Variants in PFKL observed in about 807,000 individuals in gnomAD.
PFKL encodes the protein ATP-dependent 6-phosphofructokinase, liver type.
PFKL carries 74 observed loss-of-function variants against 92.1 expected under a neutral mutation model. The observed-to-expected ratio is 0.80, with a 90% confidence interval of 0.67 to 0.97. The LOEUF (loss-of-function observed/expected upper bound fraction) is 0.97, where lower values mean the gene tolerates loss of function less well. Ranked by LOEUF, PFKL falls within the 50% of genes least tolerant of loss-of-function variation. The probability of loss-of-function intolerance (pLI) is 0.00; values close to 1 mark genes in which losing one functional copy is unlikely to be tolerated. For missense variants in PFKL, 1,028 were observed against 1,116.6 expected (o/e 0.92, Z 1.13); for synonymous variants, 494 against 456.4 (o/e 1.08, Z -1.05).
At chr21:44,322,081 G>T in intron 13 of PFKL, 52 bp from the exon 14 acceptor site, 1 of 1,561,666 alleles carries the variant, frequency 6.4e-7, no homozygotes. Flanking sequence ...CCCCTGGGGG[G>T]AATTGGCCAG....
intron 1 of PFKL, among the ~76,000 whole-genome samples, chr21:44,302,029 G>T (rs1333687757): frequency 6.6e-6 from 1 of 152,212 alleles, no homozygotes; most frequent in East Asian, 1.9e-4. Context: ...GAGATGGGAT[G>T]CCCCTCCTGG....
Position 44,324,875 on chromosome 21 carries a change from C to T in PFKL, c.1835C>T (p.Thr612Met), listed in dbSNP as rs749387944. The change falls in exon 18 of 22, where the codon ACG becomes ATG. Residue 612 changes from threonine to methionine, a missense_variant. Thr to Met is a moderately conservative substitution (Grantham distance 81, BLOSUM62 -1). Coordinates refer to ENST00000349048, the MANE Select transcript of PFKL (RefSeq NM_002626.6). ...HDLKVNVEHM[T>M]EKMKTDIQRG... Reference sequence around the variant, plus strand: ...CCGCAGGTCAACGTGGAGCACATGACGGAGAAGATGAAGACAGACATTCAG... The same window carrying T: ...CCGCAGGTCAACGTGGAGCACATGATGGAGAAGATGAAGACAGACATTCAG... The T allele has an allele frequency of 1.9e-5, 30 of 1,608,650 alleles. No individual in the cohort carries two copies. Among genetic ancestry groups the T allele is most frequent in the Admixed American group, 5.1e-5 (3 of 59,294 alleles).
chr21:44,325,987 G>C lies in PFKL; in HGVS notation c.2016G>C (p.Arg672=), dbSNP rs868388647. The part of the protein sequence containing the change: ...QQGGAPTPFD[R]NYGTKLGVKA... ...GTGGCGCTCCAACCCCCTTTGACCG[G>C]AACTATGGGACCAAGCTGGGGGTGA... Residue 672 remains arginine, a synonymous_variant, in exon 20 of 22, where the codon CGG becomes CGC. Coordinates refer to ENST00000349048, the MANE Select transcript of PFKL (RefSeq NM_002626.6). 1.2e-6 allele frequency: 2 copies of C among 1,613,674 alleles called. No homozygotes were observed. Among genetic ancestry groups the C allele is most frequent in the Admixed American group, 1.7e-5 (1 of 59,988 alleles).
chr21:44,304,479 C>T (rs1033925715), intron 1 of PFKL: 11 of 1,180,924 alleles, frequency 9.3e-6, no homozygotes, highest in Non-Finnish European at 1.2e-5. Context: ...TGTGGTGGGA[C>T]CAGGTCTGCA....
At chr21:44,314,379 G>A in intron 7 of PFKL, 2 of 262,248 alleles carry the variant, frequency 7.6e-6, no homozygotes, top group South Asian at 1.2e-4. Flanking sequence ...GCCCCAGCAA[G>A]GTCCAGACGG....
rs2047357283 is a variant in PFKL, at chr21:44,321,661, ACCT to A, written c.1192-64_1192-62del. 5.6e-6 allele frequency: 8 copies of A among 1,433,638 alleles called. No homozygotes were observed. The Admixed American group carries it at 7.8e-5, about 14-fold the overall frequency. The allele number at this position is 1,433,638 out of a possible 1,614,324, so 88.8% of individuals were successfully genotyped here. ...TTTTCCAGAACCTGCCGGCCTGCTG[ACCT>A]CCTGTGCAGGTTGGGGGTCCCCTCC... On this transcript the variant is annotated intron_variant, in intron 12 of 21. Coordinates refer to ENST00000349048, the MANE Select transcript of PFKL (RefSeq NM_002626.6).
At chr21:44,315,881 G>A (rs1206010317) in intron 7 of PFKL, 9 of 312,232 alleles carry the variant, frequency 2.9e-5, no homozygotes, top group Admixed American at 9.2e-5. Flanking sequence ...CCTGTGCCCC[G>A]TGGAGCTGCA....
At chr21:44,321,503 A>G (rs889010907) in intron 12 of PFKL, 1 of 328,138 alleles carries the variant, frequency 3.0e-6, no homozygotes, top group Non-Finnish European at 5.5e-6. Flanking sequence ...CCTGCGTGCC[A>G]GGGGGCCAGG....
chr21:44,313,746 G>A, intron 6 of PFKL, 64 bp downstream of exon 6: 1 of 1,515,292 alleles, frequency 6.6e-7, no homozygotes, highest in Non-Finnish European at 9.0e-7. Flanking sequence ...AGTGACAGGT[G>A]TGGCATATTT....
chr21:44,311,115 C>T (rs1296024552), intron 3 of PFKL, 32 bp downstream of exon 3: 1 of 1,564,826 alleles, frequency 6.4e-7, no homozygotes, highest in South Asian at 1.1e-5. Flanking sequence ...GCATGTTGCA[C>T]TTGGACTCGC....
chr21:44,322,058 G>A (rs1026373863), intron 13 of PFKL, 75 bp from the exon 14 acceptor site: 5 of 1,514,194 alleles, frequency 3.3e-6, no homozygotes, highest in South Asian at 2.5e-5. Context: ...GCTGGCCCCC[G>A]GGCACAGGCC....
intron 17 of PFKL, 95 bp from the exon 18 acceptor site, chr21:44,324,761 C>T (rs1364074775): frequency 3.8e-6 from 6 of 1,569,308 alleles, no homozygotes; most frequent in African/African-American, 2.7e-5. Flanking sequence ...AGGTGGGACG[C>T]GTAGCCCAGT....
At chr21:44,319,596 AC>A (rs752811794) in intron 11 of PFKL, 181 bp downstream of exon 11, 3 of 618,378 alleles carry the variant, frequency 4.9e-6, no homozygotes, top group Non-Finnish European at 8.7e-6. Flanking sequence ...GTGTGGTACC[AC>A]AGGAGACCCT....
rs183264392 is a variant in PFKL, at chr21:44,313,013, C to T, written c.463C>T (p.His155Tyr). The T allele has an allele frequency of 1.3e-5, 21 of 1,613,118 alleles. 1 individual carries two copies. The East Asian group carries it at 4.2e-4, about 33-fold the overall frequency. ...AGAGACTACAGCCCGGACCTACTCG[C>T]ACCTGAACATCGCGGGCCTAGTGGG... ...ISETTARTYS[H>Y]LNIAGLVGSI... is the part of the protein sequence containing the mutation. Residue 155 changes from histidine to tyrosine, a missense_variant, in exon 5 of 22, where the codon CAC becomes TAC. Transcript: ENST00000349048.
At chr21:44,303,899 G>A (rs771522118) in intron 1 of PFKL, among the ~76,000 whole-genome samples, 1 of 152,024 alleles carries the variant, frequency 6.6e-6, no homozygotes, top group African/African-American at 2.4e-5. Context: ...CTGCGGTGTC[G>A]GCGACTGCTG....
At chr21:44,307,219 G>A in intron 2 of PFKL, 1 of 950,102 alleles carries the variant, frequency 1.1e-6, no homozygotes, top group Non-Finnish European at 1.3e-6. Flanking sequence ...GCAGCCGCTG[G>A]CAGCAGCTCT....
intron 2 of PFKL, chr21:44,307,378 T>C: frequency 1.1e-6 from 1 of 884,330 alleles, no homozygotes; most frequent in Non-Finnish European, 1.4e-6. Context: ...CACAGGCGCA[T>C]TCACACACTT....
At chr21:44,318,732 A>C (rs995233606) in intron 10 of PFKL, 137 bp downstream of exon 10, 19 of 401,042 alleles carry the variant, frequency 4.7e-5, no homozygotes, top group Non-Finnish European at 7.6e-5. Flanking sequence ...AGGGCATCCC[A>C]GGTCTCCAGG....
chr21:44,316,139 T>C (rs1205966492), intron 7 of PFKL, 105 bp from the exon 8 acceptor site: 1 of 991,364 alleles, frequency 1.0e-6, no homozygotes, highest in Non-Finnish European at 1.6e-6. Context: ...CTGGCCCATG[T>C]GGGTTGGGAA....
Sources: gnomAD v4.1 joint callset for allele counts (sites outside exome capture counted in the v4.1 genomes callset) on GRCh38, gnomAD v4.1.1 for gene constraint, MANE v1.5 for transcripts, NCBI Gene and HGNC (gene_info 2026-07-23, HGNC 2026-07-21) for gene names.